Variants in KIAA1549 observed in about 807,000 individuals in gnomAD.
KIAA1549 encodes KIAA1549.
KIAA1549 carries 70 observed loss-of-function variants against 156.4 expected under a neutral mutation model. The ratio of observed to expected loss-of-function variants is 0.45; its 90% CI spans 0.37 to 0.55. The LOEUF is 0.55. KIAA1549 is among the 20% of genes least tolerant of loss of function. The pLI is 0.00. For synonymous variants in KIAA1549, 1,103 were observed against 1,066.4 expected, an observed-to-expected ratio of 1.03 and a Z score of -0.67; for missense variants, 2,428 against 2,540.9, an observed-to-expected ratio of 0.96 and a Z score of 0.96.
At chr7:138,969,559 CGT>C (rs1386892346) in intron 1 of KIAA1549, among the ~76,000 whole-genome samples, 1 of 152,070 alleles carries the variant, frequency 6.6e-6, no homozygotes, top group Admixed American at 6.6e-5. Flanking sequence ...ATAGTTGGTA[CGT>C]ATATTTATGG....
Position 138,919,457 on chromosome 7 carries a change from C to G in KIAA1549, c.188-19G>C. 6.2e-7 allele frequency: 1 copy of G among 1,608,366 alleles called. No homozygotes were observed. ...AGCTCATCTATCAAGAAAATCAGAGCTGGGTTAGTGCAATGCATTGGAAGT... is the reference window on the plus strand; with the variant it reads ...AGCTCATCTATCAAGAAAATCAGAGGTGGGTTAGTGCAATGCATTGGAAGT... On this transcript the variant is annotated intron_variant, in intron 1 of 19. Coordinates refer to ENST00000422774, the MANE Select transcript of KIAA1549 (RefSeq NM_001164665.2).
At chr7:138,852,764 T>C (rs919407088) in intron 16 of KIAA1549, among the ~76,000 whole-genome samples, 1 of 152,230 alleles carries the variant, frequency 6.6e-6, no homozygotes, top group Admixed American at 6.5e-5. Flanking sequence ...TGCTGTCTCA[T>C]GTTGCAGAAT....
At position 138,832,119 on chromosome 7, in the gene KIAA1549, G is replaced by T. The variant is rs1212021053; in HGVS notation, c.*5787C>A. On this transcript the variant is annotated 3_prime_UTR_variant, in exon 20 of 20. Coordinates refer to ENST00000422774, the MANE Select transcript of KIAA1549 (RefSeq NM_001164665.2). ...CGTGATGCTCCAAGTAGCCCAGAAAGGTTCTGTGTAATCAGGGACTGCAAG... is the reference window on the plus strand; with the variant it reads ...CGTGATGCTCCAAGTAGCCCAGAAATGTTCTGTGTAATCAGGGACTGCAAG... 4.5e-6 allele frequency: 1 copy of T among 224,500 alleles called. No individual in the cohort carries two copies. The highest frequency in any genetic ancestry group is 8.9e-6 in the Non-Finnish European group (1 of 112,980). The allele number at this position is 224,500 out of a possible 1,614,324, so 13.9% of individuals were successfully genotyped here. A position where few individuals can be genotyped will look rare whatever the true frequency, so the allele number is the denominator to read the frequency against.
At chr7:138,939,885 G>A (rs185996653) in intron 1 of KIAA1549, among the ~76,000 whole-genome samples, 15 of 152,226 alleles carry the variant, frequency 9.9e-5, no homozygotes, top group Non-Finnish European at 2.2e-4. Flanking sequence ...GGTGGCTCAC[G>A]CCTATAATCT....
chr7:138,970,879 G>A (rs984949202), intron 1 of KIAA1549, among the ~76,000 whole-genome samples: 14 of 152,132 alleles, frequency 9.2e-5, no homozygotes, highest in African/African-American at 1.9e-4. Context: ...CAGACTGTCC[G>A]GCTCCACAAT....
chr7:138,973,723 C>A (rs997366058), intron 1 of KIAA1549, among the ~76,000 whole-genome samples: 1 of 152,226 alleles, frequency 6.6e-6, no homozygotes, highest in African/African-American at 2.4e-5. Context: ...CAGCCCACTG[C>A]AGCCTCAACC....
chr7:138,835,470 G>A lies in KIAA1549; in HGVS notation c.*2436C>T. 4.6e-6 allele frequency: 1 copy of A among 218,464 alleles called. No individual in the cohort carries two copies. The highest frequency in any genetic ancestry group is 9.2e-6 in the Non-Finnish European group (1 of 108,690). The allele number at this position is 218,464 out of a possible 1,614,324, so 13.5% of individuals were successfully genotyped here. A position where few individuals can be genotyped will look rare whatever the true frequency, so the allele number is the denominator to read the frequency against. On this transcript the variant is annotated 3_prime_UTR_variant, in exon 20 of 20. Transcript: ENST00000422774. The stretch of plus-strand genomic sequence containing the variant: ...GAAAGACATCAAAATTGCTTTTACG[G>A]TCAGCCCAATTTGAAACAGAACCCT...
At chr7:138,960,396 G>A (rs926640656) in intron 1 of KIAA1549, among the ~76,000 whole-genome samples, 1 of 103,348 alleles carries the variant, frequency 9.7e-6, no homozygotes, top group African/African-American at 8.9e-5. Flanking sequence ...TGCAACCTCT[G>A]CCCCCCGGTT....
At chr7:138,941,559 C>T (rs1246050180) in intron 1 of KIAA1549, among the ~76,000 whole-genome samples, 1 of 152,204 alleles carries the variant, frequency 6.6e-6, no homozygotes, top group Admixed American at 6.5e-5. Context: ...CCTTTTCTCC[C>T]TATCCCTTAC....
chr7:138,835,525 T>A lies in KIAA1549; in HGVS notation c.*2381A>T. ...CTGCAATGCTCAAAGGAGGTTACCA[T>A]TTTTAGCACACTCTATGTGCAAGCC... On this transcript the variant is annotated 3_prime_UTR_variant, in exon 20 of 20. Coordinates refer to ENST00000422774, the MANE Select transcript of KIAA1549 (RefSeq NM_001164665.2). 1 of 223,306 alleles carries A rather than the reference T, an allele frequency of 4.5e-6. No homozygotes were observed. The highest frequency in any genetic ancestry group is 6.5e-5 in the East Asian group (1 of 15,396). The allele number at this position is 223,306 out of a possible 1,614,324, so 13.8% of individuals were successfully genotyped here.
chr7:138,944,622 CA>C (rs1457993768), intron 1 of KIAA1549, among the ~76,000 whole-genome samples: 1 of 151,524 alleles, frequency 6.6e-6, no homozygotes, highest in African/African-American at 2.4e-5. Context: ...TCACAAAAGC[CA>C]ACAGATGATA....
intron 15 of KIAA1549, among the ~76,000 whole-genome samples, chr7:138,862,795 G>A (rs762855402): frequency 5.3e-5 from 8 of 152,088 alleles, no homozygotes; most frequent in Admixed American, 2.6e-4. Context: ...GCTGGGCGTA[G>A]TGTGCACGCC....
intron 16 of KIAA1549, among the ~76,000 whole-genome samples, chr7:138,858,991 G>A (rs1383687288): frequency 1.3e-5 from 2 of 149,080 alleles, no homozygotes; most frequent in African/African-American, 5.0e-5. Flanking sequence ...GGGTGACAGA[G>A]CGAGACTCCA....
intron 1 of KIAA1549, among the ~76,000 whole-genome samples, chr7:138,928,424 C>A (rs918415417): frequency 6.6e-6 from 1 of 151,520 alleles, no homozygotes; most frequent in Middle Eastern, 3.4e-3. Flanking sequence ...GTAGCTGAGA[C>A]TATAGGCACG....
intron 15 of KIAA1549, among the ~76,000 whole-genome samples, chr7:138,863,380 T>C (rs1279402402): frequency 6.6e-6 from 1 of 151,952 alleles, no homozygotes; most frequent in East Asian, 1.9e-4. Context: ...AAAGACAAAC[T>C]ACTCTACAGA....
At position 138,837,952 on chromosome 7, in the gene KIAA1549, A is replaced by G. The variant is rs1429261675; in HGVS notation, c.5807T>C (p.Leu1936Pro). The change falls in exon 20 of 20, where the codon CTC (leucine) becomes CCC (proline). Residue 1936 changes from leucine to proline, a missense_variant. Physicochemically the swap from Leu to Pro is moderately conservative, Grantham distance 98 (BLOSUM62 -3). Transcript: ENST00000422774. The stretch of plus-strand genomic sequence containing the variant: ...GGTGCTCTGTTTCTGGGAGAGCCGG[A>G]GGAGCTCCTCGCGGATTGCTTTGAT... Reference protein sequence around the residue: ...SLIKAIREELLRLSQKQSTVQ... With the variant: ...SLIKAIREELPRLSQKQSTVQ... 1 of 1,613,910 alleles carries G rather than the reference A, an allele frequency of 6.2e-7. No homozygotes were observed. The highest frequency in any genetic ancestry group is 8.5e-7 in the Non-Finnish European group (1 of 1,179,896).
chr7:138,864,397 A>G (rs1563054048), intron 15 of KIAA1549, among the ~76,000 whole-genome samples: 1 of 152,212 alleles, frequency 6.6e-6, no homozygotes, highest in Non-Finnish European at 1.5e-5. Context: ...GAATCCTGCC[A>G]GAAGGCCAGG....
chr7:138,912,143 A>G (rs1454234802), intron 3 of KIAA1549, among the ~76,000 whole-genome samples: 2 of 152,184 alleles, frequency 1.3e-5, no homozygotes, highest in African/African-American at 4.8e-5. Context: ...CTGCCAACAC[A>G]TCCCCTAAAG....
At chr7:138,968,492 T>G (rs1027267799) in intron 1 of KIAA1549, among the ~76,000 whole-genome samples, 8 of 152,188 alleles carry the variant, frequency 5.3e-5, no homozygotes, top group African/African-American at 9.7e-5. Flanking sequence ...AGAGGTCAGA[T>G]AGTCAACAGA....
Sources: gnomAD v4.1 joint callset for allele counts (sites outside exome capture counted in the v4.1 genomes callset) on GRCh38, gnomAD v4.1.1 for gene constraint, MANE v1.5 for transcripts, NCBI Gene and HGNC (gene_info 2026-07-23, HGNC 2026-07-21) for gene names.